RORA: variants seen among roughly 807,000 people sequenced by gnomAD.
The protein encoded by RORA is nuclear receptor ROR-alpha.
In RORA, 7 loss-of-function variants were observed where a neutral mutation model predicts 69.5. That is an observed-to-expected ratio of 0.10 (90% CI 0.06 to 0.19). RORA has a LOEUF of 0.19. Ranked by LOEUF, RORA falls within the 10% of genes least tolerant of loss-of-function variation. The pLI, the probability that RORA is intolerant of heterozygous loss-of-function variation, is 1.00. For missense variants in RORA, 457 were observed against 663.0 expected (o/e 0.69, Z 3.41); for synonymous variants, 261 against 240.8 (o/e 1.08, Z -0.78).
Position 61,054,409 on chromosome 15 carries a change from T to C in RORA, c.166+174644A>G, listed in dbSNP as rs143906586. ...TCTTCTTCTTAAATGTCTCAAATGATACTGTGACTTCCCTTAGAGAGGAGG... is the reference window on the plus strand; with the variant it reads ...TCTTCTTCTTAAATGTCTCAAATGACACTGTGACTTCCCTTAGAGAGGAGG... On this transcript the variant is annotated intron_variant, in intron 1 of 10. Coordinates refer to ENST00000335670, the MANE Select transcript of RORA (RefSeq NM_134261.3). Among the ~76,000 whole-genome samples, 7 of 152,224 alleles carry C rather than the reference T, an allele frequency of 4.6e-5. No homozygotes were observed. In the East Asian group the frequency reaches 7.7e-4, roughly 17 times the overall value.
intron 1 of RORA, among the ~76,000 whole-genome samples, chr15:61,149,944 T>C (rs576520565): frequency 6.6e-6 from 1 of 152,334 alleles, no homozygotes; most frequent in East Asian, 1.9e-4. Context: ...TGATGAACTC[T>C]GAGTCCAATG....
chr15:61,078,387 T>C (rs2078486336), intron 1 of RORA, among the ~76,000 whole-genome samples: 2 of 145,504 alleles, frequency 1.4e-5, no homozygotes, highest in Non-Finnish European at 3.0e-5. Flanking sequence ...TTAGTAGAAA[T>C]GGGGTTTCAC....
intron 2 of RORA, among the ~76,000 whole-genome samples, chr15:60,579,862 C>T (rs763433531): frequency 3.3e-5 from 5 of 152,114 alleles, no homozygotes; most frequent in South Asian, 2.1e-4. Flanking sequence ...TTCTGTTTAC[C>T]GATGCACTAC....
At chr15:60,854,405 A>G (rs1258315923) in intron 1 of RORA, among the ~76,000 whole-genome samples, 1 of 152,220 alleles carries the variant, frequency 6.6e-6, no homozygotes, top group African/African-American at 2.4e-5. Flanking sequence ...CTCTACTCCT[A>G]TCCACTCTGA....
At chr15:60,919,259 G>C (rs1216190344) in intron 1 of RORA, among the ~76,000 whole-genome samples, 1 of 152,166 alleles carries the variant, frequency 6.6e-6, no homozygotes, top group Non-Finnish European at 1.5e-5. Flanking sequence ...GGGGTGCCTG[G>C]CATATGAAGA....
chr15:61,205,543 G>GA (rs548901229), intron 1 of RORA, among the ~76,000 whole-genome samples: 437 of 152,328 alleles, frequency 2.9e-3, no homozygotes, highest in Middle Eastern at 0.01. Context: ...CAGTGAGGAA[G>GA]AGAGTAAAAT....
intron 1 of RORA, among the ~76,000 whole-genome samples, chr15:60,815,267 T>C (rs762905502): frequency 3.5e-4 from 53 of 152,172 alleles, no homozygotes; most frequent in Non-Finnish European, 6.8e-4. Context: ...AATTCTGTGT[T>C]ATTATTGCAT....
At chr15:60,883,344 T>C (rs2073713608) in intron 1 of RORA, among the ~76,000 whole-genome samples, 2 of 152,124 alleles carry the variant, frequency 1.3e-5, no homozygotes, top group African/African-American at 4.8e-5. Context: ...ATTCAGAGTA[T>C]TAAATATCTA....
At chr15:60,503,031 A>G (rs765605510) in intron 7 of RORA, among the ~76,000 whole-genome samples, 164 bp from the exon 8 acceptor site, 85 of 152,210 alleles carry the variant, frequency 5.6e-4, no homozygotes, top group Non-Finnish European at 1.0e-3. Flanking sequence ...CCAAAAGGGC[A>G]GAGTTTTCTA....
At chr15:60,915,833 G>A (rs1257013398) in intron 1 of RORA, among the ~76,000 whole-genome samples, 1 of 152,178 alleles carries the variant, frequency 6.6e-6, no homozygotes, top group East Asian at 1.9e-4. Flanking sequence ...CACTCTTCAA[G>A]TCTCAGTTTC....
Position 61,226,763 on chromosome 15 carries a change from A to G in RORA, c.166+2290T>C, listed in dbSNP as rs2080148352. On this transcript the variant is annotated intron_variant, in intron 1 of 10. Transcript: ENST00000335670. This position sits in a 1 kb window ranked among gnomAD's most constrained non-coding sequence, Gnocchi z 4.2. ...CTTTTTCCATTCAGACTGTTATATA[A>G]CCTAGTGCCTGCGTGCAGGATGTGA... Among the ~76,000 whole-genome samples the G allele has an allele frequency of 6.6e-6, 1 of 151,560 alleles. No homozygotes were observed. Among genetic ancestry groups the G allele is most frequent in the South Asian group, 2.1e-4 (1 of 4,792 alleles).
intron 1 of RORA, among the ~76,000 whole-genome samples, chr15:60,935,606 A>G (rs2140318169): frequency 6.6e-6 from 1 of 152,360 alleles, no homozygotes; most frequent in African/African-American, 2.4e-5. Flanking sequence ...TCGAGAGTCT[A>G]TAAATGGACA....
At chr15:60,896,298 T>G (rs992162664) in intron 1 of RORA, among the ~76,000 whole-genome samples, 5 of 152,248 alleles carry the variant, frequency 3.3e-5, no homozygotes, top group African/African-American at 9.6e-5. Context: ...CTAACGCATC[T>G]TAGACATCGT....
rs186000333 is a variant in RORA at position 60,992,645 on chromosome 15, G to A, written c.166+236408C>T. On this transcript the variant is annotated intron_variant, in intron 1 of 10. Coordinates refer to ENST00000335670, the MANE Select transcript of RORA (RefSeq NM_134261.3). ...CTCCACGATCATCTACTCATCTGTCGTCATCCCTTGTCCCACAGTCAGAGC... is the reference window on the plus strand; with the variant it reads ...CTCCACGATCATCTACTCATCTGTCATCATCCCTTGTCCCACAGTCAGAGC... 3.3e-5 allele frequency among the ~76,000 whole-genome samples: 5 copies of A among 151,574 alleles called. No individual in the cohort carries two copies. The East Asian group carries it at 9.8e-4, about 30-fold the overall frequency.
At position 60,835,602 on chromosome 15, in the gene RORA, T is replaced by C. The variant is rs117142921; in HGVS notation, c.167-156916A>G. On this transcript the variant is annotated intron_variant, in intron 1 of 10. Transcript: ENST00000335670. The stretch of plus-strand genomic sequence containing the variant: ...AGTTTCCATACACATATAACTCTCA[T>C]GGCAATCGTGATTTCAGGTTATGAC... Among the ~76,000 whole-genome samples the C allele has an allele frequency of 3.3e-5, 5 of 152,230 alleles. No homozygotes were observed. The East Asian group carries it at 7.7e-4, about 23-fold the overall frequency.
intron 2 of RORA, among the ~76,000 whole-genome samples, chr15:60,669,371 G>GT (rs1555444614): frequency 1.8e-5 from 2 of 111,204 alleles, no homozygotes; most frequent in African/African-American, 3.2e-5. Context: ...TTGTTTGTTT[G>GT]TTTTTTTAAC....
chr15:61,166,645 T>C (rs557611399), intron 1 of RORA, among the ~76,000 whole-genome samples: 2 of 152,132 alleles, frequency 1.3e-5, no homozygotes, highest in Admixed American at 1.3e-4. Flanking sequence ...CTAAAGAATA[T>C]GTGGCCTCAG....
chr15:60,514,045 C>T (rs1034332749), intron 4 of RORA, among the ~76,000 whole-genome samples: 3 of 152,322 alleles, frequency 2.0e-5, no homozygotes, highest in South Asian at 2.1e-4. Context: ...GAATGGTAGA[C>T]GGTCTCTATT....
At chr15:60,615,366 AC>A (rs978097100) in intron 2 of RORA, among the ~76,000 whole-genome samples, 1 of 151,966 alleles carries the variant, frequency 6.6e-6, no homozygotes, top group Admixed American at 6.6e-5. Flanking sequence ...AAAGAATAAC[AC>A]CCCAGCCGGT....
Sources: gnomAD v4.1 joint callset for allele counts (sites outside exome capture counted in the v4.1 genomes callset) on GRCh38, gnomAD v4.1.1 for gene constraint, Gnocchi (gnomAD v3.1) non-coding constraint, MANE v1.5 for transcripts, NCBI Gene and HGNC (gene_info 2026-07-23, HGNC 2026-07-21) for gene names.